FAM186B: variants seen among roughly 807,000 people sequenced by gnomAD.
FAM186B encodes the protein family with sequence similarity 186 member B.
Under a neutral mutation model 83.4 loss-of-function variants are expected in FAM186B, and 68 were observed. The ratio of observed to expected loss-of-function variants is 0.81; its 90% CI spans 0.67 to 1.00. The LOEUF (loss-of-function observed/expected upper bound fraction) is 1.00. Ranked by LOEUF, FAM186B falls within the 50% of genes least tolerant of loss-of-function variation. FAM186B has a pLI of 0.00. For missense variants in FAM186B, 983 were observed against 1,099.2 expected, an observed-to-expected ratio of 0.89 and a Z score of 1.49; for synonymous variants, 389 against 422.0, an observed-to-expected ratio of 0.92 and a Z score of 0.96.
At chr12:49,586,746 A>G (rs1160901576), downstream of FAM186B, among the ~76,000 whole-genome samples, 1 of 152,212 alleles carries the variant, frequency 6.6e-6, no homozygotes, top group Non-Finnish European at 1.5e-5. Flanking sequence ...ATTGGAAACC[A>G]GGTTTCTGCA....
chr12:49,606,330 C>T (rs998336583), upstream of FAM186B, among the ~76,000 whole-genome samples: 4 of 150,748 alleles, frequency 2.7e-5, no homozygotes, highest in African/African-American at 9.8e-5. Context: ...CCTAGCTCTA[C>T]AAAAAAATTT....
the FAM186B span, among the ~76,000 whole-genome samples, chr12:49,622,373 TG>T: frequency 6.6e-6 from 1 of 152,206 alleles, no homozygotes; most frequent in South Asian, 2.1e-4. Flanking sequence ...CCGGGCGTTG[TG>T]GCACACGCCT....
chr12:49,609,536 C>T (rs187192918), upstream of FAM186B, among the ~76,000 whole-genome samples: 42 of 152,334 alleles, frequency 2.8e-4, no homozygotes, highest in Middle Eastern at 3.4e-3. Context: ...GATCTCTAGG[C>T]AGTCGGAGCA....
intron 5 of FAM186B, among the ~76,000 whole-genome samples, chr12:49,590,992 A>G (rs1042928093): frequency 6.6e-6 from 1 of 152,166 alleles, no homozygotes; most frequent in African/African-American, 2.4e-5. Flanking sequence ...CTAGTTTACT[A>G]TTCTCCTGTA....
upstream of FAM186B, among the ~76,000 whole-genome samples, chr12:49,606,524 CACAA>C (rs1411336984): frequency 3.3e-5 from 5 of 150,930 alleles, no homozygotes; most frequent in East Asian, 3.9e-4. Flanking sequence ...CACACACACA[CACAA>C]ACATACAGAG....
rs150032302 is a variant in FAM186B at position 49,599,850 on chromosome 12, G to C, written c.1790C>G (p.Ser597Cys). ...HQSRRPHLPM[S>C]PSTQQPALGK... ...CAGGGCAGGCTGCTGGGTACTAGGA[G>C]ACATGGGCAAGTGTGGCCTCCTGCT... is the stretch of plus-strand genomic sequence containing the variant. The change falls in exon 4 of 7, where the codon TCT (serine) becomes TGT (cysteine). Residue 597 changes from serine (S) to cysteine (C), a missense_variant. Physicochemically the swap from Ser to Cys is moderately radical, Grantham distance 112. Transcript: ENST00000257894. 1,581 of 1,609,486 alleles carry C rather than the reference G, an allele frequency of 9.8e-4. 18 individuals carry two copies. The African/African-American group carries it at 0.017, about 18-fold the overall frequency.
the FAM186B span, among the ~76,000 whole-genome samples, chr12:49,610,941 A>C: frequency 3.9e-5 from 6 of 151,904 alleles, no homozygotes; most frequent in Non-Finnish European, 4.4e-5. Context: ...AAAAAAGGTA[A>C]TTTTTAAAAA....
chr12:49,603,108 C>T, intron 3 of FAM186B, 77 bp downstream of exon 3: 1 of 1,499,642 alleles, frequency 6.7e-7, no homozygotes, highest in Admixed American at 1.7e-5. Flanking sequence ...AGACCCCAGG[C>T]CCAGCCTCTG....
At chr12:49,601,646 C>A (rs1005929194) in intron 3 of FAM186B, among the ~76,000 whole-genome samples, 1 of 151,100 alleles carries the variant, frequency 6.6e-6, no homozygotes, top group Non-Finnish European at 1.5e-5. Flanking sequence ...TAACTAATGT[C>A]TTTTTCCATT....
At chr12:49,604,938 T>G (rs188544043) in intron 1 of FAM186B, among the ~76,000 whole-genome samples, 13 of 152,222 alleles carry the variant, frequency 8.5e-5, no homozygotes, top group Non-Finnish European at 2.9e-5. Flanking sequence ...CAAGAAACTC[T>G]AGGATCAGAG....
At chr12:49,616,962 G>A in the FAM186B span, among the ~76,000 whole-genome samples, 4 of 152,294 alleles carry the variant, frequency 2.6e-5, no homozygotes, top group Admixed American at 2.0e-4. Context: ...GGTACTGGAG[G>A]GTGTTAGGAA....
At chr12:49,595,419 C>T (rs1939692136) in intron 5 of FAM186B, 2 of 517,948 alleles carry the variant, frequency 3.9e-6, no homozygotes, top group Non-Finnish European at 7.6e-6. Flanking sequence ...ACCAGAAGGG[C>T]CTTATAGCCA....
In FAM186B at chr12:49,599,574, C is replaced by T. The variant is rs533213469; in HGVS notation, c.2066G>A (p.Arg689His). ...ESELRLPHYL[R>H]SKALELTTTT... Reference sequence around the variant, plus strand: ...GGTGGTGAGCTCCAGTGCTTTGCTGCGCAGGTAGTGGGGCAGCCTCAACTC... The same window carrying T: ...GGTGGTGAGCTCCAGTGCTTTGCTGTGCAGGTAGTGGGGCAGCCTCAACTC... Residue 689 changes from arginine (R) to histidine (H), a missense_variant, in exon 4 of 7, where the codon CGC (arginine) becomes CAC (histidine). Coordinates refer to ENST00000257894, the MANE Select transcript of FAM186B (RefSeq NM_032130.3). 161 of 1,612,668 alleles carry T rather than the reference C, an allele frequency of 1.0e-4. No homozygotes were observed. In the South Asian group the frequency reaches 1.3e-3, roughly 13 times the overall value.
chr12:49,600,239 G>A lies in FAM186B; in HGVS notation c.1401C>T (p.Ser467=). Reference sequence around the variant, plus strand: ...GGCTCTCAGAGGTCACCTGCCTGGAGCTCTCTAGAGACAGCTGCTTGCTAC... The same window carrying A: ...GGCTCTCAGAGGTCACCTGCCTGGAACTCTCTAGAGACAGCTGCTTGCTAC... ...FHCSKQLSLE[S]SRQVTSESQE... The change falls in exon 4 of 7, where the codon AGC becomes AGT. Residue 467 remains serine, a synonymous_variant. Transcript: ENST00000257894. The surrounding 1 kb of genome is among the most constrained non-coding windows in gnomAD (Gnocchi z 4.3). The A allele has an allele frequency of 6.2e-7, 1 of 1,613,654 alleles. No individual in the cohort carries two copies. The highest frequency in any genetic ancestry group is 8.5e-7 in the Non-Finnish European group (1 of 1,179,686).
rs1400370794 is a variant in FAM186B, at chr12:49,587,546, A to G, written c.*59T>C. Reference sequence around the variant, plus strand: ...GATTTATTGGGGAGAATCCACATTGACCATCAGCCTCGCACCTTACTGGGC... The same window carrying G: ...GATTTATTGGGGAGAATCCACATTGGCCATCAGCCTCGCACCTTACTGGGC... On this transcript the variant is annotated 3_prime_UTR_variant, in exon 7 of 7. Transcript: ENST00000257894. 7.2e-5 allele frequency: 116 copies of G among 1,601,932 alleles called. No individual in the cohort carries two copies. Among genetic ancestry groups the G allele is most frequent in the Non-Finnish European group, 9.7e-5 (113 of 1,169,110 alleles).
At chr12:49,619,579 C>T in the FAM186B span, 5 of 674,224 alleles carry the variant, frequency 7.4e-6, no homozygotes, top group Non-Finnish European at 1.4e-5. Flanking sequence ...GCTATCATTC[C>T]ATGTATCGGG....
At chr12:49,617,775 C>G in the FAM186B span, among the ~76,000 whole-genome samples, 1 of 152,024 alleles carries the variant, frequency 6.6e-6, no homozygotes, top group African/African-American at 2.4e-5. Flanking sequence ...CCACTGAAAA[C>G]CCATGTAGCC....
the FAM186B span, among the ~76,000 whole-genome samples, chr12:49,614,085 G>A: frequency 1.3e-5 from 2 of 151,748 alleles, no homozygotes; most frequent in African/African-American, 4.8e-5. Context: ...GGGAGGTGGA[G>A]GTTGCAGTGA....
chr12:49,622,068 C>G, the FAM186B span, among the ~76,000 whole-genome samples: 1 of 152,254 alleles, frequency 6.6e-6, no homozygotes, highest in Non-Finnish European at 1.5e-5. Flanking sequence ...CATGAAAGTT[C>G]ACGGAACCTC....
Sources: allele counts gnomAD v4.1 joint callset (sites outside exome capture counted in the v4.1 genomes callset), GRCh38; gene constraint gnomAD v4.1.1; non-coding constraint Gnocchi (gnomAD v3.1); transcripts MANE v1.5; gene names NCBI Gene and HGNC (gene_info 2026-07-23, HGNC 2026-07-21).